Variants in SLC10A7 observed in about 807,000 individuals in gnomAD.
The protein encoded by SLC10A7 is solute carrier family 10 member 7.
SLC10A7 carries 29 observed loss-of-function variants against 43.2 expected under a neutral mutation model. The ratio of observed to expected loss-of-function variants is 0.67; its 90% CI spans 0.50 to 0.92. The LOEUF is 0.92. Among genes scored for constraint, SLC10A7 ranks in the 40% least tolerant of loss-of-function variants. The pLI, the probability that SLC10A7 is intolerant of heterozygous loss-of-function variation, is 0.00. For synonymous variants in SLC10A7, 152 were observed against 144.8 expected (o/e 1.05, Z -0.35); for missense variants, 295 against 403.2 (o/e 0.73, Z 2.30).
intron 5 of SLC10A7, among the ~76,000 whole-genome samples, chr4:146,367,253 A>G (rs1383932096): frequency 1.3e-5 from 2 of 152,114 alleles, no homozygotes; most frequent in South Asian, 4.1e-4. Flanking sequence ...GGAAACAAAA[A>G]AATCTCTGTT....
At chr4:146,292,673 T>C (rs570840151) in intron 9 of SLC10A7, among the ~76,000 whole-genome samples, 82 of 152,220 alleles carry the variant, frequency 5.4e-4, no homozygotes, top group Non-Finnish European at 9.3e-4. Flanking sequence ...AGTATGAAGC[T>C]AACAGCTCAA....
intron 2 of SLC10A7, among the ~76,000 whole-genome samples, chr4:146,511,057 A>G (rs1737418737): frequency 6.6e-6 from 1 of 152,188 alleles, no homozygotes; most frequent in Non-Finnish European, 1.5e-5. Flanking sequence ...TTACCGATGA[A>G]GAAATTGAAG....
At chr4:146,285,009 C>T (rs1185484332) in intron 9 of SLC10A7, among the ~76,000 whole-genome samples, 1 of 152,140 alleles carries the variant, frequency 6.6e-6, no homozygotes, top group African/African-American at 2.4e-5. Flanking sequence ...AACAATTGAG[C>T]TGAGCCTTAA....
intron 2 of SLC10A7, chr4:146,515,166 A>G (rs1382120376): frequency 1.4e-6 from 1 of 702,234 alleles, no homozygotes; most frequent in African/African-American, 1.7e-5. Context: ...GGAGTGAGAG[A>G]AATCAAGTTG....
chr4:146,367,054 T>C (rs1205307851), intron 5 of SLC10A7, among the ~76,000 whole-genome samples: 1 of 152,142 alleles, frequency 6.6e-6, no homozygotes, highest in Non-Finnish European at 1.5e-5. Context: ...TTGGCTCATC[T>C]ACAAGGCATT....
intron 4 of SLC10A7, among the ~76,000 whole-genome samples, chr4:146,481,237 C>G (rs1334621522): frequency 6.6e-6 from 1 of 152,206 alleles, no homozygotes; most frequent in African/African-American, 2.4e-5. Flanking sequence ...CCATGCCACC[C>G]CACTCCCCAG....
chr4:146,332,082 G>A (rs1733576584), intron 5 of SLC10A7, among the ~76,000 whole-genome samples: 2 of 152,166 alleles, frequency 1.3e-5, no homozygotes, highest in Admixed American at 1.3e-4. Context: ...TGGTGGATTG[G>A]TGAGCAAGGG....
chr4:146,417,618 T>C (rs1223386243), intron 5 of SLC10A7, among the ~76,000 whole-genome samples: 7 of 152,234 alleles, frequency 4.6e-5, no homozygotes, highest in Non-Finnish European at 1.0e-4. Flanking sequence ...AAATGCTTCT[T>C]TCCCAAATGT....
At chr4:146,272,592 AAGAGAACTT>A (rs1246249209) in intron 10 of SLC10A7, among the ~76,000 whole-genome samples, 2 of 152,128 alleles carry the variant, frequency 1.3e-5, no homozygotes, top group Non-Finnish European at 2.9e-5. Context: ...TGGTTCAATT[AAGAGAACTT>A]CTAGGAAGAG....
intron 6 of SLC10A7, 41 bp from the exon 7 acceptor site, chr4:146,306,050 A>C (rs775629985): frequency 4.0e-6 from 6 of 1,503,614 alleles, no homozygotes; most frequent in Non-Finnish European, 5.4e-6. Context: ...ACTTCAAATC[A>C]GTTATCAAGC....
At chr4:146,464,378 G>T (rs1343943768) in intron 4 of SLC10A7, among the ~76,000 whole-genome samples, 1 of 152,074 alleles carries the variant, frequency 6.6e-6, no homozygotes, top group Admixed American at 6.6e-5. Flanking sequence ...GTAGTTAACT[G>T]AACAGTGAGA....
intron 5 of SLC10A7, among the ~76,000 whole-genome samples, chr4:146,341,354 A>G (rs1734247949): frequency 6.6e-6 from 1 of 151,770 alleles, no homozygotes; most frequent in South Asian, 2.1e-4. Context: ...TTTTATTAAG[A>G]ATAGGCAAAA....
chr4:146,330,542 C>T (rs973726314), intron 5 of SLC10A7, among the ~76,000 whole-genome samples: 2 of 152,146 alleles, frequency 1.3e-5, no homozygotes, highest in African/African-American at 2.4e-5. Context: ...CCTTATATAA[C>T]GCTGAAACCT....
chr4:146,341,430 A>C (rs1256756719), intron 5 of SLC10A7, among the ~76,000 whole-genome samples: 2 of 151,792 alleles, frequency 1.3e-5, no homozygotes, highest in Non-Finnish European at 3.0e-5. Context: ...AGAGTTTTTG[A>C]TATTCTGTAT....
At chr4:146,446,871 A>G (rs1037905899) in intron 4 of SLC10A7, among the ~76,000 whole-genome samples, 14 of 152,150 alleles carry the variant, frequency 9.2e-5, no homozygotes, top group Non-Finnish European at 1.8e-4. Flanking sequence ...ACGTGTATAT[A>G]TTCATTAATT....
chr4:146,427,749 A>C (rs1028744163), intron 5 of SLC10A7, among the ~76,000 whole-genome samples: 1 of 152,230 alleles, frequency 6.6e-6, no homozygotes, highest in East Asian at 1.9e-4. Flanking sequence ...GATTTTAATT[A>C]TTGAAAAGAT....
chr4:146,304,220 A>G (rs1731373205), intron 7 of SLC10A7, among the ~76,000 whole-genome samples: 1 of 151,074 alleles, frequency 6.6e-6, no homozygotes, highest in Non-Finnish European at 1.5e-5. Flanking sequence ...AAGAGATAAT[A>G]GGATTAAATT....
At chr4:146,396,664 T>C (rs535722461) in intron 5 of SLC10A7, among the ~76,000 whole-genome samples, 1 of 152,146 alleles carries the variant, frequency 6.6e-6, no homozygotes, top group Admixed American at 6.5e-5. Context: ...TTACTCTTTA[T>C]GTACCAAATT....
intron 5 of SLC10A7, among the ~76,000 whole-genome samples, chr4:146,357,028 TAAGTA>T (rs1735703129): frequency 6.6e-6 from 1 of 152,128 alleles, no homozygotes; most frequent in South Asian, 2.1e-4. Flanking sequence ...CCAAAGCCTG[TAAGTA>T]AAGAAAGCTG....
Sources: allele counts gnomAD v4.1 joint callset (sites outside exome capture counted in the v4.1 genomes callset), GRCh38; gene constraint gnomAD v4.1.1; transcripts MANE v1.5; gene names NCBI Gene and HGNC (gene_info 2026-07-23, HGNC 2026-07-21).